HOXA7: variants seen among roughly 807,000 people sequenced by gnomAD.
HOXA7 encodes homeobox A7, also known as homeobox protein Hox-A7.
HOXA7 carries 16 observed loss-of-function variants against 16.8 expected under a neutral mutation model. The ratio of observed to expected loss-of-function variants is 0.95; its 90% CI spans 0.64 to 1.44. HOXA7 has a LOEUF of 1.44. Among genes scored for constraint, HOXA7 ranks in the 40% most tolerant of loss-of-function variants. The probability of loss-of-function intolerance (pLI) is 0.00; values close to 1 mark genes in which losing one functional copy is unlikely to be tolerated. For synonymous variants in HOXA7, 169 were observed against 144.3 expected, an observed-to-expected ratio of 1.17 and a Z score of -1.23; for missense variants, 379 against 328.6, an observed-to-expected ratio of 1.15 and a Z score of -1.19.
At chr7:27,155,673 C>A in intron 1 of HOXA7, 1 of 177,636 alleles carries the variant, frequency 5.6e-6, no homozygotes. Flanking sequence ...GCACCCCGAC[C>A]CTCTGTCCTC....
chr7:27,156,365 G>T lies in HOXA7; in HGVS notation c.181C>A (p.Leu61Ile), dbSNP rs1253448405. The part of the protein sequence containing the change: ...VPGLYNVNSP[L>I]YQSPFASGYG... Reference sequence around the variant, plus strand: ...CCGGACGCAAAGGGGCTCTGATAAAGGGGGCTGTTGACATTGTATAAGCCC... The same window carrying T: ...CCGGACGCAAAGGGGCTCTGATAAATGGGGCTGTTGACATTGTATAAGCCC... The change falls in exon 1 of 2, where the codon CTT (leucine) becomes ATT (isoleucine). Residue 61 changes from leucine (L) to isoleucine (I), a missense_variant. Transcript: ENST00000242159. The T allele has an allele frequency of 6.2e-7, 1 of 1,613,832 alleles. No individual in the cohort carries two copies. The highest frequency in any genetic ancestry group is 8.5e-7 in the Non-Finnish European group (1 of 1,179,884).
intron 1 of HOXA7, 144 bp downstream of exon 1, chr7:27,156,023 C>A: frequency 2.1e-6 from 2 of 949,928 alleles, no homozygotes; most frequent in Non-Finnish European, 2.8e-6. Context: ...AGAAAGGCTG[C>A]GCCGGGAGTC....
At position 27,154,860 on chromosome 7, in the gene HOXA7, A is replaced by T; in HGVS notation, c.*49T>A. ...GTAAGTAAAACCAGTGAGTCTCTTA[A>T]AGACGCTTTTCCGACTGTCCGGTGC... On this transcript the variant is annotated 3_prime_UTR_variant, in exon 2 of 2. Transcript: ENST00000242159. The T allele has an allele frequency of 6.5e-7, 1 of 1,542,486 alleles. No individual in the cohort carries two copies. The highest frequency in any genetic ancestry group is 8.7e-7 in the Non-Finnish European group (1 of 1,147,224).
intron 1 of HOXA7, 61 bp downstream of exon 1, chr7:27,156,106 G>A (rs921694125): frequency 3.8e-5 from 53 of 1,411,426 alleles, no homozygotes; most frequent in Non-Finnish European, 4.8e-5. Context: ...GCTCCCCAGC[G>A]CTGCGCTCCC....
In HOXA7 at chr7:27,154,551, G is replaced by A. The variant is rs1783067288; in HGVS notation, c.*358C>T. ...ACTTCCTGGGAATGGAGGCCCTCTG[G>A]GGCTGGATACATAGGTAGTTTGGGG... On this transcript the variant is annotated 3_prime_UTR_variant, in exon 2 of 2. Transcript: ENST00000242159. The A allele has an allele frequency of 1.3e-5, 3 of 228,530 alleles. No individual in the cohort carries two copies. In the Admixed American group the frequency reaches 1.5e-4, roughly 12 times the overall value. 14.2% of individuals were successfully genotyped at this position (228,530 alleles called of 1,614,324 possible).
chr7:27,155,933 G>A (rs1282438623), intron 1 of HOXA7: 11 of 403,270 alleles, frequency 2.7e-5, no homozygotes, highest in Non-Finnish European at 4.7e-5. Flanking sequence ...CATTAATTGG[G>A]CCATAAAAAG....
Position 27,154,245 on chromosome 7 carries a change from C to G in HOXA7, c.*664G>C, listed in dbSNP as rs1315654316. ...AGGGATTGATTCTAGGGTGCAAGCACTTAGGATGCTTTTTGGAATAAATAT... is the reference window on the plus strand; with the variant it reads ...AGGGATTGATTCTAGGGTGCAAGCAGTTAGGATGCTTTTTGGAATAAATAT... On this transcript the variant is annotated 3_prime_UTR_variant, in exon 2 of 2. Transcript: ENST00000242159. 1.3e-5 allele frequency: 2 copies of G among 152,322 alleles called. No individual in the cohort carries two copies. The highest frequency in any genetic ancestry group is 3.8e-4 in the East Asian group (2 of 5,200). 9.4% of individuals were successfully genotyped at this position (152,322 alleles called of 1,614,324 possible).
Position 27,155,582 on chromosome 7 carries a change from C to G in HOXA7, c.380-360G>C, listed in dbSNP as rs1783091791. ...TGCACTTTTGCCATTCAAAGATGAG[C>G]CCGGCCATTCCCCTGCCTTGCTAGG... On this transcript the variant is annotated intron_variant, in intron 1 of 1. Coordinates refer to ENST00000242159, the MANE Select transcript of HOXA7 (RefSeq NM_006896.4). The G allele has an allele frequency of 1.6e-5, 4 of 253,136 alleles. No individual in the cohort carries two copies. In the East Asian group the frequency reaches 3.3e-4, roughly 21 times the overall value. 15.7% of individuals were successfully genotyped at this position (253,136 alleles called of 1,614,324 possible). A position where few individuals can be genotyped will look rare whatever the true frequency, so the allele number is the denominator to read the frequency against.
At chr7:27,156,086 C>A in intron 1 of HOXA7, 81 bp downstream of exon 1, 5 of 1,371,422 alleles carry the variant, frequency 3.6e-6, no homozygotes, top group Non-Finnish European at 4.7e-6. Flanking sequence ...CCCCGCGCCC[C>A]GCGCTCCGCG....
Position 27,153,852 on chromosome 7 carries a change from G to C in HOXA7, c.*1057C>G, listed in dbSNP as rs902618746. ...CAGGAGATGAAGGGCATTGCGGAGGGCATTGGACCTCCCCACCCACTACAG... is the reference window on the plus strand; with the variant it reads ...CAGGAGATGAAGGGCATTGCGGAGGCCATTGGACCTCCCCACCCACTACAG... On this transcript the variant is annotated 3_prime_UTR_variant, in exon 2 of 2. Coordinates refer to ENST00000242159, the MANE Select transcript of HOXA7 (RefSeq NM_006896.4). 3 of 152,704 alleles carry C rather than the reference G, an allele frequency of 2.0e-5. No homozygotes were observed. The highest frequency in any genetic ancestry group is 7.2e-5 in the African/African-American group (3 of 41,430). 9.5% of individuals were successfully genotyped at this position (152,704 alleles called of 1,614,324 possible). A position where few individuals can be genotyped will look rare whatever the true frequency, so the allele number is the denominator to read the frequency against.
In HOXA7 at chr7:27,156,416, C is replaced by A; in HGVS notation, c.130G>T (p.Ala44Ser). ...NSQRSGYGAG[A>S]GAFASTVPGL... is the part of the protein sequence containing the mutation. ...GGAACGGTCGAGGCGAAGGCGCCGG[C>A]GCCCGCCCCGTAGCCGCTTCTCTGT... The change falls in exon 1 of 2, where the codon GCC becomes TCC. Residue 44 changes from alanine to serine, a missense_variant. Physicochemically the swap from Ala to Ser is moderately conservative, Grantham distance 99. Transcript: ENST00000242159. 1.2e-6 allele frequency: 2 copies of A among 1,613,472 alleles called. No individual in the cohort carries two copies. Among genetic ancestry groups the A allele is most frequent in the Non-Finnish European group, 1.7e-6 (2 of 1,179,670 alleles).
Position 27,153,801 on chromosome 7 carries a change from G to A in HOXA7, c.*1108C>T, listed in dbSNP as rs1214731607. The A allele has an allele frequency of 2.0e-5, 3 of 152,730 alleles. No individual in the cohort carries two copies. Among genetic ancestry groups the A allele is most frequent in the East Asian group, 1.9e-4 (1 of 5,204 alleles). 9.5% of individuals were successfully genotyped at this position (152,730 alleles called of 1,614,324 possible). Reference sequence around the variant, plus strand: ...GTGTGCCTTCCCTGAACCCCAGGATGGAGCTGAGCAGGGTACAGGACAACA... The same window carrying A: ...GTGTGCCTTCCCTGAACCCCAGGATAGAGCTGAGCAGGGTACAGGACAACA... On this transcript the variant is annotated 3_prime_UTR_variant, in exon 2 of 2. Coordinates refer to ENST00000242159, the MANE Select transcript of HOXA7 (RefSeq NM_006896.4).
chr7:27,154,986 A>G lies in HOXA7; in HGVS notation c.616T>C (p.Ser206Pro). The G allele has an allele frequency of 1.2e-6, 2 of 1,613,594 alleles. No individual in the cohort carries two copies. The highest frequency in any genetic ancestry group is 1.7e-6 in the Non-Finnish European group (2 of 1,179,608). ...AAAAPEGAVP[S>P]AAATAAADKA... ...TCCGCGGCAGCAGTGGCGGCGGCAG[A>G]GGGCACGGCGCCCTCGGGAGCTGCG... The change falls in exon 2 of 2, where the codon TCT becomes CCT. Residue 206 changes from serine (S) to proline (P), a missense_variant. Transcript: ENST00000242159.
chr7:27,156,619 T>A lies in HOXA7; in HGVS notation c.-74A>T, dbSNP rs1783114667. The A allele has an allele frequency of 1.4e-6, 2 of 1,455,586 alleles. No homozygotes were observed. Among genetic ancestry groups the A allele is most frequent in the East Asian group, 4.6e-5 (2 of 43,516 alleles). The allele number at this position is 1,455,586 out of a possible 1,614,324, so 90.2% of individuals were successfully genotyped here. A position where few individuals can be genotyped will look rare whatever the true frequency, so the allele number is the denominator to read the frequency against. On this transcript the variant is annotated 5_prime_UTR_variant, in exon 1 of 2. The change abolishes an upstream ATG in the 5' untranslated region. Transcript: ENST00000242159. Reference sequence around the variant, plus strand: ...CGAGGTAGAGTGATATATGATAACATTACACCCCCAGATTTACACCAAACC... The same window carrying A: ...CGAGGTAGAGTGATATATGATAACAATACACCCCCAGATTTACACCAAACC...
chr7:27,156,304 G>A lies in HOXA7; in HGVS notation c.242C>T (p.Pro81Leu). 6.2e-7 allele frequency: 1 copy of A among 1,613,898 alleles called. No individual in the cohort carries two copies. The highest frequency in any genetic ancestry group is 2.2e-5 in the East Asian group (1 of 44,882). The change falls in exon 1 of 2, where the codon CCC (proline) becomes CTC (leucine). Residue 81 changes from proline (P) to leucine (L), a missense_variant. Transcript: ENST00000242159. ...GATGTTTTGGTCGTAGGAGGCGCAGGGCAGGTTGCCGTAGGCGTCGGCGCC... is the reference window on the plus strand; with the variant it reads ...GATGTTTTGGTCGTAGGAGGCGCAGAGCAGGTTGCCGTAGGCGTCGGCGCC... ...GLGADAYGNL[P>L]CASYDQNIPG... is the part of the protein sequence containing the mutation.
Position 27,154,866 on chromosome 7 carries a change from C to T in HOXA7, c.*43G>A, listed in dbSNP as rs769777690. The T allele has an allele frequency of 9.0e-6, 14 of 1,550,742 alleles. No individual in the cohort carries two copies. In the South Asian group the frequency reaches 1.6e-4, roughly 17 times the overall value. On this transcript the variant is annotated 3_prime_UTR_variant, in exon 2 of 2. Coordinates refer to ENST00000242159, the MANE Select transcript of HOXA7 (RefSeq NM_006896.4). ...AAAACCAGTGAGTCTCTTAAAGACG[C>T]TTTTCCGACTGTCCGGTGCAGAGAG...
Position 27,154,630 on chromosome 7 carries a change from G to C in HOXA7, c.*279C>G. ...AGTATTTTGGACGCGCCAGAGCAGG[G>C]CCGGCTGGCCTGGGGTTGGGGGTGT... On this transcript the variant is annotated 3_prime_UTR_variant, in exon 2 of 2. Transcript: ENST00000242159. The C allele has an allele frequency of 2.1e-6, 1 of 487,778 alleles. No homozygotes were observed. The highest frequency in any genetic ancestry group is 1.9e-5 in the African/African-American group (1 of 51,336). 30.2% of individuals were successfully genotyped at this position (487,778 alleles called of 1,614,324 possible).
In HOXA7 at chr7:27,155,128, G is replaced by A. The variant is rs745463932; in HGVS notation, c.474C>T (p.Arg158=). 1.2e-5 allele frequency: 20 copies of A among 1,614,154 alleles called. No individual in the cohort carries two copies. Among genetic ancestry groups the A allele is most frequent in the East Asian group, 2.2e-5 (1 of 44,894 alleles). The change falls in exon 2 of 2, where the codon CGC becomes CGT. Residue 158 remains arginine (R), a synonymous_variant. Transcript: ENST00000242159. ...EFHFNRYLTR[R]RRIEIAHALC... is the part of the protein sequence containing the mutation. ...GCGCGTGGGCGATTTCAATGCGGCG[G>A]CGCCGCGTCAGGTAGCGGTTGAAGT... is the stretch of plus-strand genomic sequence containing the variant.
Position 27,155,897 on chromosome 7 carries a change from TTAAA to T in HOXA7, c.379+266_379+269del, listed in dbSNP as rs1161353266. On this transcript the variant is annotated intron_variant, in intron 1 of 1. Coordinates refer to ENST00000242159, the MANE Select transcript of HOXA7 (RefSeq NM_006896.4). ...TGTTAAAATTCCAAGACAAATGGAG[TTAAA>T]TAAATTTACGAGGATCGAACCCATT... 5.7e-5 allele frequency: 21 copies of T among 370,486 alleles called. No individual in the cohort carries two copies. The East Asian group carries it at 7.2e-4, about 13-fold the overall frequency. The allele number at this position is 370,486 out of a possible 1,614,324, so 22.9% of individuals were successfully genotyped here.
Sources: gnomAD v4.1 joint callset for allele counts on GRCh38, gnomAD v4.1.1 for gene constraint, MANE v1.5 for transcripts, NCBI Gene and HGNC (gene_info 2026-07-23, HGNC 2026-07-21) for gene names.